DNER: variants seen among roughly 807,000 people sequenced by gnomAD.
DNER encodes delta and Notch-like epidermal growth factor-related receptor.
A neutral mutation model predicts 78.2 loss-of-function variants in DNER; 33 were observed. That is an observed-to-expected ratio of 0.42 (90% CI 0.32 to 0.56). The LOEUF (loss-of-function observed/expected upper bound fraction) is 0.56. DNER is among the 20% of genes least tolerant of loss of function. The pLI is 0.11. For missense variants in DNER, 918 were observed against 975.3 expected (o/e 0.94, Z 0.78); for synonymous variants, 417 against 384.8 (o/e 1.08, Z -0.98).
At chr2:229,487,340 C>T (rs1295680054) in intron 6 of DNER, among the ~76,000 whole-genome samples, 5 of 152,236 alleles carry the variant, frequency 3.3e-5, no homozygotes, top group Non-Finnish European at 7.3e-5. Context: ...CCATGCATCA[C>T]TCTCTCTAAT....
At chr2:229,363,913 T>TA (rs1014261734) in intron 12 of DNER, among the ~76,000 whole-genome samples, 1 of 147,262 alleles carries the variant, frequency 6.8e-6, no homozygotes, top group African/African-American at 2.5e-5. Context: ...TCCCTCCTGG[T>TA]AAAAAAGCCC....
chr2:229,508,282 A>G (rs1300647588), intron 6 of DNER, among the ~76,000 whole-genome samples: 1 of 152,222 alleles, frequency 6.6e-6, no homozygotes, highest in Non-Finnish European at 1.5e-5. Context: ...TAATTGGTCA[A>G]TTACATATTT....
At chr2:229,635,614 A>AT (rs1294698197) in intron 1 of DNER, among the ~76,000 whole-genome samples, 1 of 152,128 alleles carries the variant, frequency 6.6e-6, no homozygotes, top group East Asian at 1.9e-4. Flanking sequence ...ATGGTTTTGT[A>AT]TTTTTTGTGA....
chr2:229,379,184 T>C (rs1386275598), intron 11 of DNER, among the ~76,000 whole-genome samples: 2 of 152,114 alleles, frequency 1.3e-5, no homozygotes, highest in African/African-American at 4.8e-5. Context: ...AAAAAGACAA[T>C]TGCTGAAGGT....
intron 3 of DNER, chr2:229,586,719 C>G: frequency 1.0e-6 from 1 of 985,430 alleles, no homozygotes; most frequent in Non-Finnish European, 1.2e-6. Context: ...TCCTTCTCCA[C>G]CTTGGAAATG....
At chr2:229,395,368 T>C (rs894106723) in intron 10 of DNER, among the ~76,000 whole-genome samples, 1 of 152,190 alleles carries the variant, frequency 6.6e-6, no homozygotes, top group African/African-American at 2.4e-5. Context: ...CTTTGGGGGA[T>C]GGGCTGATCA....
intron 1 of DNER, among the ~76,000 whole-genome samples, chr2:229,704,745 A>G (rs990990211): frequency 1.3e-5 from 2 of 152,256 alleles, no homozygotes; most frequent in African/African-American, 2.4e-5. Context: ...ATGTGTCAAA[A>G]TGCATAGAAA....
At position 229,548,058 on chromosome 2, in the gene DNER, T is replaced by A. The variant is rs1574896697; in HGVS notation, c.848-966A>T. On this transcript the variant is annotated intron_variant, in intron 4 of 12. Coordinates refer to ENST00000341772, the MANE Select transcript of DNER (RefSeq NM_139072.4). Reference sequence around the variant, plus strand: ...AAAGTTTCCTCAGCTCTGTCAAGAGTAAAAGTTAAAAAGCCTCATCATTAC... The same window carrying A: ...AAAGTTTCCTCAGCTCTGTCAAGAGAAAAAGTTAAAAAGCCTCATCATTAC... 2.0e-5 allele frequency among the ~76,000 whole-genome samples: 3 copies of A among 152,086 alleles called. No homozygotes were observed. In the South Asian group the frequency reaches 6.2e-4, roughly 32 times the overall value.
At chr2:229,572,128 C>A (rs1245806704) in intron 4 of DNER, among the ~76,000 whole-genome samples, 2 of 152,138 alleles carry the variant, frequency 1.3e-5, no homozygotes, top group African/African-American at 4.8e-5. Flanking sequence ...CTAAACAGAG[C>A]ATTCTCCCTC....
chr2:229,612,721 T>C (rs1225671530), intron 1 of DNER, among the ~76,000 whole-genome samples: 1 of 152,162 alleles, frequency 6.6e-6, no homozygotes, highest in Non-Finnish European at 1.5e-5. Context: ...GTAGGCACAA[T>C]GAGCTCCAAA....
intron 1 of DNER, among the ~76,000 whole-genome samples, chr2:229,617,855 G>A (rs1358026020): frequency 6.6e-6 from 1 of 152,048 alleles, no homozygotes; most frequent in African/African-American, 2.4e-5. Flanking sequence ...AGGAGGCTGT[G>A]GTGGGAGGAT....
At chr2:229,707,341 A>T (rs1369578211) in intron 1 of DNER, among the ~76,000 whole-genome samples, 1 of 152,114 alleles carries the variant, frequency 6.6e-6, no homozygotes, top group East Asian at 1.9e-4. Context: ...GGCCACAGAA[A>T]AGTATTGTTA....
At chr2:229,639,422 CTT>C (rs1439230418) in intron 1 of DNER, among the ~76,000 whole-genome samples, 1 of 151,976 alleles carries the variant, frequency 6.6e-6, no homozygotes, top group Non-Finnish European at 1.5e-5. Flanking sequence ...GCCTGGCTAA[CTT>C]TTGTATTTTT....
At chr2:229,512,750 A>T in intron 6 of DNER, 33 bp downstream of exon 6, 1 of 1,612,798 alleles carries the variant, frequency 6.2e-7, no homozygotes, top group African/African-American at 1.3e-5. Flanking sequence ...ACAGACATAC[A>T]CCTAATAACT....
chr2:229,418,702 T>C lies in DNER; in HGVS notation c.1487-472A>G, dbSNP rs188836477. On this transcript the variant is annotated intron_variant, in intron 8 of 12. Coordinates refer to ENST00000341772, the MANE Select transcript of DNER (RefSeq NM_139072.4). ...TGGGATACCGAGGCAGGTTGATCAC[T>C]TGAGCTCAGGAGTTCGAGACCAGCC... is the stretch of plus-strand genomic sequence containing the variant. Among the ~76,000 whole-genome samples the C allele has an allele frequency of 3.0e-3, 454 of 152,154 alleles. 2 individuals are homozygous for C. The highest frequency in any genetic ancestry group is 9.8e-3 in the African/African-American group (406 of 41,540).
At chr2:229,707,026 T>C (rs890404320) in intron 1 of DNER, among the ~76,000 whole-genome samples, 2 of 152,132 alleles carry the variant, frequency 1.3e-5, no homozygotes, top group South Asian at 2.1e-4. Flanking sequence ...TTGTGTTTTT[T>C]TTCCCCCGAG....
At chr2:229,547,397 C>T (rs970587510) in intron 4 of DNER, among the ~76,000 whole-genome samples, 1 of 152,194 alleles carries the variant, frequency 6.6e-6, no homozygotes. Flanking sequence ...CGCCCTTGCC[C>T]TCTGGGGGCT....
At chr2:229,598,494 G>A (rs1017305421) in intron 1 of DNER, among the ~76,000 whole-genome samples, 1 of 152,116 alleles carries the variant, frequency 6.6e-6, no homozygotes, top group South Asian at 2.1e-4. Flanking sequence ...TGCCCTGCTG[G>A]TATGCATGTC....
intron 1 of DNER, among the ~76,000 whole-genome samples, chr2:229,599,994 C>T (rs1473861820): frequency 6.6e-6 from 1 of 152,164 alleles, no homozygotes; most frequent in African/African-American, 2.4e-5. Flanking sequence ...TTTGTCTAAG[C>T]AGCAGCATCA....
Sources: allele counts gnomAD v4.1 joint callset (sites outside exome capture counted in the v4.1 genomes callset), GRCh38; gene constraint gnomAD v4.1.1; transcripts MANE v1.5; gene names NCBI Gene and HGNC (gene_info 2026-07-23, HGNC 2026-07-21).